IFT57: variants seen among roughly 807,000 people sequenced by gnomAD.
The protein encoded by IFT57 is intraflagellar transport protein 57 homolog.
A neutral mutation model predicts 56.8 loss-of-function variants in IFT57; 59 were observed. The observed-to-expected ratio is 1.04, with a 90% CI of 0.84 to 1.29. The LOEUF is 1.29. Among genes scored for constraint, IFT57 ranks in the 50% most tolerant of loss-of-function variants. The pLI, the probability that IFT57 is intolerant of heterozygous loss-of-function variation, is 0.00. For synonymous variants in IFT57, 209 were observed against 186.1 expected (o/e 1.12, Z -1.00); for missense variants, 470 against 522.1 (o/e 0.90, Z 0.97).
intron 6 of IFT57, among the ~76,000 whole-genome samples, chr3:108,171,457 T>C (rs11917405): frequency 0.096 from 14,647 of 151,924 alleles, 769 homozygotes; most frequent in Middle Eastern, 0.12. Flanking sequence ...CTTAAGCATT[T>C]TTCTGTTTCA....
rs1243867124 is a variant in IFT57, at chr3:108,162,631, C to T, written c.1136G>A (p.Ser379Asn). 6 of 1,607,480 alleles carry T rather than the reference C, an allele frequency of 3.7e-6. No homozygotes were observed. The highest frequency in any genetic ancestry group is 1.3e-5 in the African/African-American group (1 of 74,828). Reference protein sequence around the residue: ...DGAPLVKIKQSLTKLKQETVE... With the variant: ...DGAPLVKIKQNLTKLKQETVE... Reference sequence around the variant, plus strand: ...AGTTTCTTGCTTCAGTTTTGTTAAGCTCTGTTTAATCTTCACCAAAGGAGC... The same window carrying T: ...AGTTTCTTGCTTCAGTTTTGTTAAGTTCTGTTTAATCTTCACCAAAGGAGC... The change falls in exon 11 of 11, where the codon AGC (serine) becomes AAC (asparagine). Residue 379 changes from serine (S) to asparagine (N), a missense_variant. Physicochemically the swap from Ser to Asn is conservative, Grantham distance 46. Transcript: ENST00000264538.
chr3:108,213,713 G>A (rs1385444433), intron 4 of IFT57: 1 of 463,258 alleles, frequency 2.2e-6, no homozygotes, highest in African/African-American at 2.0e-5. Context: ...AACAGTTCAA[G>A]AACCTCTGCT....
chr3:108,196,977 T>A (rs2080247784), intron 5 of IFT57, among the ~76,000 whole-genome samples: 2 of 152,182 alleles, frequency 1.3e-5, no homozygotes. Context: ...TTCCCAATTG[T>A]TTTTCCATTT....
At position 108,160,889 on chromosome 3, in the gene IFT57, T is replaced by G. The variant is rs947855665; in HGVS notation, c.*1588A>C. ...GGAGGAGCACAGAACCCAAGCTGAG[T>G]TAACTGGAATATTTCAGAGAAGGAA... On this transcript the variant is annotated 3_prime_UTR_variant, in exon 11 of 11. Coordinates refer to ENST00000264538, the MANE Select transcript of IFT57 (RefSeq NM_018010.4). 2 of 152,160 alleles carry G rather than the reference T, an allele frequency of 1.3e-5. No homozygotes were observed. The highest frequency in any genetic ancestry group is 4.8e-5 in the African/African-American group (2 of 41,434). 9.4% of individuals were successfully genotyped at this position (152,160 alleles called of 1,614,324 possible).
intron 6 of IFT57, among the ~76,000 whole-genome samples, chr3:108,172,335 G>A (rs184270882): frequency 6.6e-6 from 1 of 151,982 alleles, no homozygotes; most frequent in Admixed American, 6.6e-5. Context: ...GGGCTGGGGA[G>A]GATGGATCAC....
intron 6 of IFT57, among the ~76,000 whole-genome samples, chr3:108,178,508 T>C (rs2080135671): frequency 6.6e-6 from 1 of 151,866 alleles, no homozygotes; most frequent in South Asian, 2.1e-4. Flanking sequence ...ATATTTGCAG[T>C]ACACATATCT....
intron 6 of IFT57, among the ~76,000 whole-genome samples, chr3:108,169,026 G>A (rs1228456023): frequency 6.6e-6 from 1 of 151,942 alleles, no homozygotes; most frequent in African/African-American, 2.4e-5. Flanking sequence ...GGGATTGCTG[G>A]GTCAAATGGT....
At chr3:108,181,565 A>G (rs2080151146) in intron 6 of IFT57, among the ~76,000 whole-genome samples, 1 of 152,136 alleles carries the variant, frequency 6.6e-6, no homozygotes, top group South Asian at 2.1e-4. Flanking sequence ...TGCTCTAAAA[A>G]TGTATGTGTG....
intron 5 of IFT57, among the ~76,000 whole-genome samples, chr3:108,198,299 CT>C (rs1199046642): frequency 6.6e-6 from 1 of 152,220 alleles, no homozygotes; most frequent in Non-Finnish European, 1.5e-5. Flanking sequence ...GTTCCCCACT[CT>C]GCTTTCTTGT....
intron 5 of IFT57, among the ~76,000 whole-genome samples, chr3:108,205,986 T>TA (rs1342789837): frequency 7.1e-4 from 23 of 32,168 alleles, no homozygotes; most frequent in African/African-American, 7.4e-4. Context: ...ATATAATATA[T>TA]AATATATTTA....
chr3:108,222,375 T>G lies in IFT57; in HGVS notation c.-53A>C. 1 of 1,513,212 alleles carries G rather than the reference T, an allele frequency of 6.6e-7. No homozygotes were observed. Among genetic ancestry groups the G allele is most frequent in the African/African-American group, 1.4e-5 (1 of 71,510 alleles). 93.7% of individuals were successfully genotyped at this position (1,513,212 alleles called of 1,614,324 possible). On this transcript the variant is annotated 5_prime_UTR_variant, in exon 1 of 11. Coordinates refer to ENST00000264538, the MANE Select transcript of IFT57 (RefSeq NM_018010.4). ...CTCAGGCCCACAGACCTCTGCGGCC[T>G]AAGCCGCCAGCCCTGCCGCCGCCAG...
At chr3:108,220,223 C>A (rs1326845866) in intron 1 of IFT57, among the ~76,000 whole-genome samples, 1 of 152,220 alleles carries the variant, frequency 6.6e-6, no homozygotes, top group African/African-American at 2.4e-5. Context: ...AGTCAAACAT[C>A]TGTGGGCTCT....
At chr3:108,176,072 A>G (rs536591681) in intron 6 of IFT57, among the ~76,000 whole-genome samples, 2 of 152,000 alleles carry the variant, frequency 1.3e-5, no homozygotes, top group East Asian at 1.9e-4. Flanking sequence ...TCTATCTGAC[A>G]TTGACTCTAC....
At chr3:108,186,386 G>T (rs190570111) in intron 6 of IFT57, among the ~76,000 whole-genome samples, 198 of 151,118 alleles carry the variant, frequency 1.3e-3, no homozygotes, top group Non-Finnish European at 2.5e-3. Flanking sequence ...AGAAATTCAA[G>T]AGTTAATAAA....
At chr3:108,195,978 C>T (rs2080242442) in intron 5 of IFT57, among the ~76,000 whole-genome samples, 1 of 152,002 alleles carries the variant, frequency 6.6e-6, no homozygotes, top group South Asian at 2.1e-4. Flanking sequence ...TTTCAAAATA[C>T]CTAAAAATGT....
chr3:108,198,428 G>T (rs1560117831), intron 5 of IFT57, among the ~76,000 whole-genome samples: 1 of 152,060 alleles, frequency 6.6e-6, no homozygotes, highest in South Asian at 2.1e-4. Context: ...TGTTTGGTGT[G>T]TGCGTGTGTG....
At chr3:108,218,147 T>G (rs79940084) in intron 3 of IFT57, among the ~76,000 whole-genome samples, 2,330 of 152,184 alleles carry the variant, frequency 0.015, 34 homozygotes, top group Non-Finnish European at 0.023. Context: ...CTTAAAGTAC[T>G]GTATTAATTT....
intron 6 of IFT57, among the ~76,000 whole-genome samples, chr3:108,181,213 T>C (rs2080149836): frequency 6.6e-6 from 1 of 152,052 alleles, no homozygotes; most frequent in Admixed American, 6.6e-5. Context: ...ATATCCTGAA[T>C]GTTCAACAAG....
intron 4 of IFT57, among the ~76,000 whole-genome samples, chr3:108,207,311 G>A (rs1352910209): frequency 1.3e-5 from 2 of 152,124 alleles, no homozygotes; most frequent in East Asian, 1.9e-4. Flanking sequence ...AGAGGGCAGG[G>A]GTAGAAAGTG....
Sources: allele counts gnomAD v4.1 joint callset (sites outside exome capture counted in the v4.1 genomes callset), GRCh38; gene constraint gnomAD v4.1.1; transcripts MANE v1.5; gene names NCBI Gene and HGNC (gene_info 2026-07-23, HGNC 2026-07-21).